Variants in CLASP1 observed in about 807,000 individuals in gnomAD.
The protein encoded by CLASP1 is CLIP-associating protein 1.
Under a neutral mutation model 192.3 loss-of-function variants are expected in CLASP1, and 38 were observed. That is an observed-to-expected ratio of 0.20 (90% confidence interval 0.15 to 0.26). CLASP1 has a LOEUF of 0.26. CLASP1 is among the 10% of genes least tolerant of loss of function. The probability of loss-of-function intolerance (pLI) is 1.00; values close to 1 mark genes in which losing one functional copy is unlikely to be tolerated. For synonymous variants in CLASP1, 691 were observed against 712.8 expected (o/e 0.97, Z 0.49); for missense variants, 1,433 against 1,932.5 (o/e 0.74, Z 4.85).
In CLASP1 at chr2:121,406,679, C is replaced by T. The variant is rs146594983; in HGVS notation, c.2669+792G>A. Among the ~76,000 whole-genome samples, 626 of 152,262 alleles carry T rather than the reference C, an allele frequency of 4.1e-3. 1 individual carries two copies. Among genetic ancestry groups the T allele is most frequent in the Middle Eastern group, 6.8e-3 (2 of 294 alleles). On this transcript the variant is annotated intron_variant, in intron 25 of 39. Transcript: ENST00000263710. ...AATCATAATGCACTGCAATCTCCAACTCTGGGCTCATGTGATCCTCCTGCC... is the reference window on the plus strand; with the variant it reads ...AATCATAATGCACTGCAATCTCCAATTCTGGGCTCATGTGATCCTCCTGCC...
exon 33 of CLASP1, chr2:121,382,248 C>T (rs778656548): frequency 1.9e-5 from 31 of 1,608,414 alleles, no homozygotes; most frequent in Admixed American, 5.1e-5. Flanking sequence ...TGGGAGGGAG[C>T]GGTGGGGATG....
At chr2:121,453,770 A>G (rs1227322718) in intron 14 of CLASP1, among the ~76,000 whole-genome samples, 1 of 152,188 alleles carries the variant, frequency 6.6e-6, no homozygotes, top group Non-Finnish European at 1.5e-5. Flanking sequence ...TCCTAATTCC[A>G]CTATATATAC....
At chr2:121,500,342 GAAAAAGAA>G (rs1427057921) in intron 8 of CLASP1, among the ~76,000 whole-genome samples, 3 of 88,822 alleles carry the variant, frequency 3.4e-5, no homozygotes, top group Admixed American at 1.5e-4. Flanking sequence ...AGGAAAGAAA[GAAAAAGAA>G]AGAAAGAAAG....
intron 20 of CLASP1, among the ~76,000 whole-genome samples, chr2:121,428,439 G>A (rs1333938516): frequency 6.6e-6 from 1 of 152,164 alleles, no homozygotes. Flanking sequence ...CCTAGATTCT[G>A]AGATTTGAAC....
intron 3 of CLASP1, among the ~76,000 whole-genome samples, chr2:121,530,007 C>A (rs2094716535): frequency 6.6e-6 from 1 of 152,102 alleles, no homozygotes; most frequent in Non-Finnish European, 1.5e-5. Flanking sequence ...CGCCCGCAGG[C>A]CCAGAGGCCA....
At chr2:121,422,454 G>C (rs779571957) in intron 22 of CLASP1, among the ~76,000 whole-genome samples, 52 of 152,180 alleles carry the variant, frequency 3.4e-4, no homozygotes, top group Non-Finnish European at 2.6e-4. Flanking sequence ...CCATAGAGGA[G>C]TGGGAGAAGG....
At chr2:121,534,362 A>C (rs1449899167) in intron 2 of CLASP1, among the ~76,000 whole-genome samples, 2 of 152,214 alleles carry the variant, frequency 1.3e-5, no homozygotes, top group African/African-American at 4.8e-5. Context: ...CCAGTTTCCA[A>C]GCATCTGGGT....
chr2:121,623,073 T>C (rs11892158), intron 1 of CLASP1, among the ~76,000 whole-genome samples: 3,001 of 151,864 alleles, frequency 0.02, 91 homozygotes, highest in African/African-American at 0.068. Context: ...ACAATATCTA[T>C]ATATATATAA....
intron 1 of CLASP1, among the ~76,000 whole-genome samples, chr2:121,628,389 A>G (rs2068782651): frequency 6.6e-6 from 1 of 152,148 alleles, no homozygotes; most frequent in Non-Finnish European, 1.5e-5. Context: ...TAAGAATGTA[A>G]TTGAGGCCAG....
chr2:121,557,134 G>C (rs1159455173), intron 2 of CLASP1, among the ~76,000 whole-genome samples: 1 of 152,114 alleles, frequency 6.6e-6, no homozygotes, highest in Non-Finnish European at 1.5e-5. Flanking sequence ...CCTGTTGCTG[G>C]GCCCTGCCCT....
chr2:121,403,233 G>C lies in CLASP1; in HGVS notation c.2733+1138C>G, dbSNP rs529649892. 4.6e-5 allele frequency among the ~76,000 whole-genome samples: 7 copies of C among 152,244 alleles called. No homozygotes were observed. The South Asian group carries it at 1.2e-3, about 27-fold the overall frequency. On this transcript the variant is annotated intron_variant, in intron 26 of 39. Transcript: ENST00000263710. The stretch of plus-strand genomic sequence containing the variant: ...GACACTGAGTGAGGAGAGCTGTTGT[G>C]GGGGGAGGGGAGGAGAACCCTTGCA...
chr2:121,404,693 C>T (rs191852048), intron 25 of CLASP1, among the ~76,000 whole-genome samples: 1 of 152,116 alleles, frequency 6.6e-6, no homozygotes, highest in Non-Finnish European at 1.5e-5. Flanking sequence ...TGTTTTTTCA[C>T]AAACTCTTAT....
At chr2:121,348,174 T>C (rs1340860477) in intron 38 of CLASP1, among the ~76,000 whole-genome samples, 3 of 151,788 alleles carry the variant, frequency 2.0e-5, no homozygotes, top group African/African-American at 7.3e-5. Context: ...TGATTTACAC[T>C]CCATGGTCCA....
intron 38 of CLASP1, 47 bp downstream of exon 39, chr2:121,348,465 C>T (rs780649207): frequency 2.4e-5 from 36 of 1,524,148 alleles, no homozygotes; most frequent in Non-Finnish European, 3.0e-5. Context: ...TCAAGTTAGG[C>T]AACCCCACAC....
At chr2:121,559,434 AC>A in intron 2 of CLASP1, among the ~76,000 whole-genome samples, 1 of 152,232 alleles carries the variant, frequency 6.6e-6, no homozygotes, top group Non-Finnish European at 1.5e-5. Flanking sequence ...AAAAGTGAAA[AC>A]AACATAATAT....
chr2:121,545,548 T>C (rs1402974838), intron 2 of CLASP1, among the ~76,000 whole-genome samples: 1 of 152,176 alleles, frequency 6.6e-6, no homozygotes, highest in Admixed American at 6.5e-5. Context: ...TGTAGAAATC[T>C]GGTCGGTTCT....
intron 19 of CLASP1, among the ~76,000 whole-genome samples, chr2:121,435,699 A>G (rs1398635012): frequency 6.6e-6 from 1 of 152,240 alleles, no homozygotes; most frequent in Admixed American, 6.5e-5. Context: ...AATATTATGA[A>G]AAACGCAGCC....
chr2:121,402,970 T>C (rs1050311015), intron 26 of CLASP1, among the ~76,000 whole-genome samples: 2 of 152,146 alleles, frequency 1.3e-5, no homozygotes, highest in African/African-American at 4.8e-5. Context: ...TAACTGCGAT[T>C]ACAGGTGCCC....
chr2:121,501,342 G>T (rs1290301157), intron 8 of CLASP1, among the ~76,000 whole-genome samples: 1 of 152,182 alleles, frequency 6.6e-6, no homozygotes, highest in Non-Finnish European at 1.5e-5. Flanking sequence ...CCTGCCTGTG[G>T]ACACCCAGCA....
Sources: gnomAD v4.1 joint callset for allele counts (sites outside exome capture counted in the v4.1 genomes callset) on GRCh38, gnomAD v4.1.1 for gene constraint, MANE v1.5 for transcripts, NCBI Gene and HGNC (gene_info 2026-07-23, HGNC 2026-07-21) for gene names.